The following RBFOX1 variants were observed in gnomAD, a reference collection of about 807,000 sequenced individuals.
The protein encoded by RBFOX1 is RNA binding fox-1 homolog 1, also known as RNA binding protein fox-1 homolog 1.
Under a neutral mutation model 57.7 loss-of-function variants are expected in RBFOX1, and 8 were observed. The observed-to-expected ratio is 0.14, with a 90% confidence interval of 0.08 to 0.25. The LOEUF is 0.25. Ranked by LOEUF, RBFOX1 falls within the 10% of genes least tolerant of loss-of-function variation. The probability of loss-of-function intolerance (pLI) is 1.00; values close to 1 mark genes in which losing one functional copy is unlikely to be tolerated. For missense variants in RBFOX1, 611 were observed against 548.5 expected (o/e 1.11, Z -1.14); for synonymous variants, 326 against 222.4 (o/e 1.47, Z -4.15).
intron 2 of RBFOX1, among the ~76,000 whole-genome samples, chr16:6,532,667 G>A (rs947527032): frequency 1.3e-5 from 2 of 152,054 alleles, no homozygotes; most frequent in African/African-American, 4.8e-5. Flanking sequence ...TGCACACTCT[G>A]GACTGTGCAC....
In RBFOX1 at chr16:7,455,802, GA is replaced by G. The variant is rs968513368; in HGVS notation, c.28-62337del. ...CTCCATCTCAAAAAAAAAAAAAAAA[GA>G]AAAAAAAGAAAAAAAAAACTGATTC... is the stretch of plus-strand genomic sequence containing the variant. On this transcript the variant is annotated intron_variant, in intron 4 of 15. Transcript: ENST00000550418. 1.3e-3 allele frequency among the ~76,000 whole-genome samples: 158 copies of G among 121,854 alleles called. 1 individual carries two copies. Among genetic ancestry groups the G allele is most frequent in the Middle Eastern group, 4.1e-3 (1 of 244 alleles). The allele number at this position is 121,854 out of a possible 152,430, so 79.9% of individuals were successfully genotyped here.
chr16:6,365,921 C>G (rs189771111), intron 2 of RBFOX1, among the ~76,000 whole-genome samples: 5 of 152,104 alleles, frequency 3.3e-5, no homozygotes, highest in African/African-American at 1.2e-4. Flanking sequence ...GCTACAGCTA[C>G]TACTTCAACT....
chr16:7,506,014 T>C (rs2073145520), intron 4 of RBFOX1, among the ~76,000 whole-genome samples: 1 of 151,700 alleles, frequency 6.6e-6, no homozygotes, highest in African/African-American at 2.4e-5. Flanking sequence ...TGAAACACCA[T>C]CTCTGCTAAA....
At chr16:7,032,029 G>C (rs920436712) in intron 3 of RBFOX1, among the ~76,000 whole-genome samples, 8 of 152,198 alleles carry the variant, frequency 5.3e-5, no homozygotes, top group African/African-American at 9.7e-5. Flanking sequence ...GGGAAAGAAA[G>C]TCGATTCTCC....
chr16:5,763,898 T>A (rs2053678265), intron 3 of RBFOX1, among the ~76,000 whole-genome samples: 2 of 152,212 alleles, frequency 1.3e-5, no homozygotes. Flanking sequence ...TCTTTTTTAT[T>A]TCCAGGTATG....
chr16:7,230,183 T>TC (rs1271664992), intron 4 of RBFOX1, among the ~76,000 whole-genome samples: 1 of 151,306 alleles, frequency 6.6e-6, no homozygotes, highest in African/African-American at 2.5e-5. Context: ...TTCACTTTTT[T>TC]TTTTAATTGG....
At chr16:6,945,103 C>T (rs1009496739) in intron 3 of RBFOX1, among the ~76,000 whole-genome samples, 2 of 152,094 alleles carry the variant, frequency 1.3e-5, no homozygotes, top group Non-Finnish European at 2.9e-5. Flanking sequence ...CTGCACCCAA[C>T]GTCCCTTTGC....
At chr16:7,631,831 G>A (rs1476579115) in intron 11 of RBFOX1, among the ~76,000 whole-genome samples, 1 of 152,182 alleles carries the variant, frequency 6.6e-6, no homozygotes, top group Non-Finnish European at 1.5e-5. Flanking sequence ...CCTGTTACCA[G>A]CAGTCACAGG....
intron 4 of RBFOX1, among the ~76,000 whole-genome samples, chr16:7,323,520 G>A (rs936546696): frequency 6.6e-6 from 1 of 152,236 alleles, no homozygotes; most frequent in Admixed American, 6.5e-5. Flanking sequence ...CCTTCTTATA[G>A]TATTGAGCAC....
intron 4 of RBFOX1, among the ~76,000 whole-genome samples, chr16:7,085,399 GT>G (rs1329710781): frequency 6.6e-6 from 1 of 152,060 alleles, no homozygotes; most frequent in Admixed American, 6.5e-5. Flanking sequence ...AAATCTCTTG[GT>G]TTTTAAATAT....
At chr16:7,621,310 G>C (rs1334165569) in intron 10 of RBFOX1, among the ~76,000 whole-genome samples, 2 of 151,932 alleles carry the variant, frequency 1.3e-5, no homozygotes, top group Non-Finnish European at 2.9e-5. Context: ...ACCCAGGCTG[G>C]AGTGCAGTGG....
Position 6,737,864 on chromosome 16 carries a change from A to T in RBFOX1, c.-16+83214A>T, listed in dbSNP as rs990130292. Reference sequence around the variant, plus strand: ...TGCAGACTTTTCCTAAACAAAATGTACTATAATATTTTCGAGATGGGGGAA... The same window carrying T: ...TGCAGACTTTTCCTAAACAAAATGTTCTATAATATTTTCGAGATGGGGGAA... On this transcript the variant is annotated intron_variant, in intron 3 of 15. Coordinates refer to ENST00000550418, the MANE Select transcript of RBFOX1 (RefSeq NM_018723.4). Among the ~76,000 whole-genome samples the T allele has an allele frequency of 2.6e-5, 4 of 152,310 alleles. No individual in the cohort carries two copies. In the South Asian group the frequency reaches 6.2e-4, roughly 24 times the overall value.
intron 5 of RBFOX1, among the ~76,000 whole-genome samples, chr16:7,562,403 G>A (rs2090600787): frequency 6.6e-6 from 1 of 152,060 alleles, no homozygotes; most frequent in East Asian, 1.9e-4. Context: ...GTGTCCAGGA[G>A]GCCAAATGCT....
chr16:6,264,191 G>C (rs1171298257), intron 1 of RBFOX1, among the ~76,000 whole-genome samples: 3 of 152,030 alleles, frequency 2.0e-5, no homozygotes, highest in Admixed American at 1.3e-4. Flanking sequence ...GTGTTCTCTT[G>C]GATAATCCAT....
intron 4 of RBFOX1, among the ~76,000 whole-genome samples, chr16:5,968,162 C>T (rs150788728): frequency 1.1e-4 from 16 of 152,280 alleles, no homozygotes; most frequent in African/African-American, 3.6e-4. Context: ...GCAACCTCCA[C>T]CTCCTGGGTT....
At chr16:6,905,380 C>A (rs535187824) in intron 3 of RBFOX1, among the ~76,000 whole-genome samples, 3 of 151,938 alleles carry the variant, frequency 2.0e-5, no homozygotes, top group Admixed American at 2.0e-4. Context: ...AGGCAAAACC[C>A]CACCTCTACT....
intron 4 of RBFOX1, among the ~76,000 whole-genome samples, chr16:7,156,623 A>G (rs558591191): frequency 2.0e-5 from 3 of 152,232 alleles, no homozygotes; most frequent in African/African-American, 7.2e-5. Context: ...ATGTATATAC[A>G]TATGCTGGAA....
chr16:7,189,859 C>T (rs532058923), intron 4 of RBFOX1, among the ~76,000 whole-genome samples: 1 of 152,198 alleles, frequency 6.6e-6, no homozygotes, highest in Non-Finnish European at 1.5e-5. Context: ...TCTTGATCGC[C>T]TTTATGTCTG....
At chr16:5,502,791 C>T (rs2043244909) in intron 2 of RBFOX1, among the ~76,000 whole-genome samples, 1 of 152,124 alleles carries the variant, frequency 6.6e-6, no homozygotes, top group Non-Finnish European at 1.5e-5. Context: ...TTTATCAGAC[C>T]ATCTCCCGTC....
Sources: allele counts gnomAD v4.1 joint callset (sites outside exome capture counted in the v4.1 genomes callset), GRCh38; gene constraint gnomAD v4.1.1; transcripts MANE v1.5; gene names NCBI Gene and HGNC (gene_info 2026-07-23, HGNC 2026-07-21).